The following MAGI3 variants were observed in gnomAD, a reference collection of about 807,000 sequenced individuals.
MAGI3 encodes the protein membrane-associated guanylate kinase, WW and PDZ domain-containing protein 3.
In MAGI3, 43 loss-of-function variants were observed where a neutral mutation model predicts 121.8. The ratio of observed to expected loss-of-function variants is 0.35; its 90% confidence interval spans 0.28 to 0.46. MAGI3 has a LOEUF of 0.46. Among genes scored for constraint, MAGI3 ranks in the 20% least tolerant of loss-of-function variants. MAGI3 has a pLI of 1.00. For synonymous variants in MAGI3, 553 were observed against 639.3 expected, an observed-to-expected ratio of 0.86 and a Z score of 2.04; for missense variants, 1,547 against 1,797.3, an observed-to-expected ratio of 0.86 and a Z score of 2.52.
intron 9 of MAGI3, among the ~76,000 whole-genome samples, chr1:113,635,504 T>C (rs1319347212): frequency 1.3e-5 from 2 of 152,176 alleles, no homozygotes; most frequent in East Asian, 3.8e-4. Context: ...TTGTCTTTGG[T>C]TCTGTTTATA....
In MAGI3 at chr1:113,614,648, T is replaced by C; in HGVS notation, c.1066T>C (p.Tyr356His). ...EKIEDPQYGT[Y>H]YVDHLNQKTQ... ...AATAGAGGACCCTCAGTATGGGACA[T>C]ACTATGTTGAGTAAGTTTGTTACCT... The change falls in exon 7 of 21, where the codon TAC (tyrosine) becomes CAC (histidine). Residue 356 changes from tyrosine to histidine, a missense_variant. Tyr to His is a moderately conservative substitution (Grantham distance 83, BLOSUM62 2). Transcript: ENST00000307546. 6.2e-7 allele frequency: 1 copy of C among 1,605,504 alleles called. No homozygotes were observed.
At chr1:113,509,920 C>T (rs987050004) in intron 1 of MAGI3, among the ~76,000 whole-genome samples, 3 of 151,254 alleles carry the variant, frequency 2.0e-5, no homozygotes, top group Non-Finnish European at 4.4e-5. Flanking sequence ...AGTGCGCCTG[C>T]AGCACGTTGC....
At chr1:113,511,649 T>C (rs1657620323) in intron 1 of MAGI3, among the ~76,000 whole-genome samples, 1 of 152,252 alleles carries the variant, frequency 6.6e-6, no homozygotes, top group African/African-American at 2.4e-5. Context: ...TTGAATACAG[T>C]TAATTTCCAT....
chr1:113,470,608 A>G (rs920685022), intron 1 of MAGI3, among the ~76,000 whole-genome samples: 8 of 152,200 alleles, frequency 5.3e-5, no homozygotes, highest in African/African-American at 1.4e-4. Flanking sequence ...ATTATTAACT[A>G]TGGTCACCAT....
rs186080609 is a variant in MAGI3 at position 113,390,952 on chromosome 1, A to T, written c.-82A>T. The T allele has an allele frequency of 3.3e-5, 41 of 1,258,628 alleles. No individual in the cohort carries two copies. Among genetic ancestry groups the T allele is most frequent in the Admixed American group, 8.1e-5 (2 of 24,828 alleles). 78.0% of individuals were successfully genotyped at this position (1,258,628 alleles called of 1,614,324 possible). The stretch of plus-strand genomic sequence containing the variant: ...CCTTACCGGGCTGCGCGGGCCGCCC[A>T]GGGCCCCCGGGCTGAGACGGGGCCG... On this transcript the variant is annotated 5_prime_UTR_variant, in exon 1 of 21. Coordinates refer to ENST00000307546, the MANE Select transcript of MAGI3 (RefSeq NM_001142782.2).
rs766953489 is a variant in MAGI3, at chr1:113,683,982, G to C, written c.4414G>C (p.Gly1472Arg). 29 of 1,592,588 alleles carry C rather than the reference G, an allele frequency of 1.8e-5. No homozygotes were observed. Among genetic ancestry groups the C allele is most frequent in the Non-Finnish European group, 2.3e-5 (27 of 1,172,420 alleles). Reference sequence around the variant, plus strand: ...GGTTCCAAGTGGAAATAAAGTCACAGGCACTATTGGTATGGCTGAGAAACG... The same window carrying C: ...GGTTCCAAGTGGAAATAAAGTCACACGCACTATTGGTATGGCTGAGAAACG... ...WKVPSGNKVT[G>R]TIGMAEKRQ The change falls in exon 21 of 21, where the codon GGC becomes CGC. Residue 1472 changes from glycine to arginine, a missense_variant. Gly to Arg is a moderately radical substitution (Grantham distance 125, BLOSUM62 -2). Transcript: ENST00000307546.
intron 11 of MAGI3, 72 bp from the exon 12 acceptor site, chr1:113,646,414 G>A: frequency 7.9e-7 from 1 of 1,259,462 alleles, no homozygotes. Flanking sequence ...ATCCATTTCA[G>A]ATATCAGTTT....
At position 113,590,531 on chromosome 1, in the gene MAGI3, C is replaced by G. The variant is rs867074874; in HGVS notation, c.811C>G (p.Pro271Ala). The G allele has an allele frequency of 1.2e-6, 2 of 1,613,540 alleles. No individual in the cohort carries two copies. Among genetic ancestry groups the G allele is most frequent in the Non-Finnish European group, 1.7e-6 (2 of 1,179,696 alleles). The change falls in exon 5 of 21, where the codon CCA becomes GCA. Residue 271 changes from proline (P) to alanine (A), a missense_variant. Coordinates refer to ENST00000307546, the MANE Select transcript of MAGI3 (RefSeq NM_001142782.2). ...GTCATCTGACTGGATGAAGACTGTT[C>G]CAAGTTACAACCAAACAAATAGCTC... ...SESSDWMKTV[P>A]SYNQTNSSMD...
chr1:113,390,994 G>T lies in MAGI3; in HGVS notation c.-40G>T. 6.7e-7 allele frequency: 1 copy of T among 1,491,034 alleles called. No individual in the cohort carries two copies. The highest frequency in any genetic ancestry group is 1.3e-5 in the South Asian group (1 of 77,038). 92.4% of individuals were successfully genotyped at this position (1,491,034 alleles called of 1,614,324 possible). On this transcript the variant is annotated 5_prime_UTR_variant, in exon 1 of 21. Transcript: ENST00000307546. ...ACGGGGCCGGAGCGGCGCCCCGGCCGCCCGCGCGGGGTCTCCCCCATGGTG... is the reference window on the plus strand; with the variant it reads ...ACGGGGCCGGAGCGGCGCCCCGGCCTCCCGCGCGGGGTCTCCCCCATGGTG...
At chr1:113,571,264 G>T (rs950970696) in intron 2 of MAGI3, among the ~76,000 whole-genome samples, 1 of 152,042 alleles carries the variant, frequency 6.6e-6, no homozygotes, top group Admixed American at 6.6e-5. Context: ...ATCGGTTTTG[G>T]TACCAATACC....
At chr1:113,450,632 G>A (rs768409238) in intron 1 of MAGI3, 125 of 1,027,898 alleles carry the variant, frequency 1.2e-4, no homozygotes, top group Non-Finnish European at 1.7e-4. Flanking sequence ...TTATGGACCC[G>A]TGAAAGGGGA....
chr1:113,402,224 T>C (rs1290775177), intron 1 of MAGI3, among the ~76,000 whole-genome samples: 1 of 152,184 alleles, frequency 6.6e-6, no homozygotes, highest in Admixed American at 6.5e-5. Context: ...CTAAGTGTAA[T>C]GTGCTAGACT....
Position 113,646,587 on chromosome 1 carries a change from A to C in MAGI3, c.2100A>C (p.Pro700=), listed in dbSNP as rs1652866010. The C allele has an allele frequency of 6.2e-7, 1 of 1,613,174 alleles. No individual in the cohort carries two copies. The highest frequency in any genetic ancestry group is 1.3e-5 in the African/African-American group (1 of 74,910). The part of the protein sequence containing the change: ...FPPSIIRSGS[P]KLDPSEVYLK... ...CGAGCATTATCAGGTCAGGATCCCC[A>C]AAATTGGATCCTTCTGAGGTCTACC... is the stretch of plus-strand genomic sequence containing the variant. Residue 700 remains proline, a synonymous_variant, in exon 12 of 21, where the codon CCA becomes CCC. Coordinates refer to ENST00000307546, the MANE Select transcript of MAGI3 (RefSeq NM_001142782.2).
In MAGI3 at chr1:113,580,557, C is replaced by T. The variant is rs1253459628; in HGVS notation, c.449C>T (p.Pro150Leu). Residue 150 changes from proline (P) to leucine (L), a missense_variant, in exon 3 of 21, where the codon CCC becomes CTC. Pro to Leu is a moderately conservative substitution (Grantham distance 98). Transcript: ENST00000307546. ...LRTIPCTTRAPRDGEVPGVDY... is the reference protein window; with the variant it reads ...LRTIPCTTRALRDGEVPGVDY... ...TTTTTCTTAGGCACTACAAGGGCCC[C>T]CAGGGATGGAGAAGTACCAGGAGTG... 1 of 1,610,152 alleles carries T rather than the reference C, an allele frequency of 6.2e-7. No homozygotes were observed. The highest frequency in any genetic ancestry group is 1.7e-5 in the Admixed American group (1 of 59,772).
At position 113,681,170 on chromosome 1, in the gene MAGI3, G is replaced by A. The variant is rs763714717; in HGVS notation, c.3190-28G>A. On this transcript the variant is annotated intron_variant, in intron 19 of 20. Coordinates refer to ENST00000307546, the MANE Select transcript of MAGI3 (RefSeq NM_001142782.2). ...ATTTACAAAGGATGCATAGTTTCAT[G>A]TTGTTCCTGTGAATGTTCTCTGTCT... 7.5e-6 allele frequency: 12 copies of A among 1,606,140 alleles called. No homozygotes were observed. In the South Asian group the frequency reaches 1.2e-4, roughly 16 times the overall value.
intron 1 of MAGI3, among the ~76,000 whole-genome samples, chr1:113,487,922 T>C (rs1221837529): frequency 6.6e-6 from 1 of 152,296 alleles, no homozygotes; most frequent in East Asian, 1.9e-4. Flanking sequence ...TACTAAAACA[T>C]TTTTCTATTG....
rs1292118839 is a variant in MAGI3, at chr1:113,641,915, T to A, written c.1365T>A (p.Asp455Glu). ...AACATGATTATGTTTTTCCAGGCGA[T>A]GTTATTGTAGACATCAATGGCAACT... The part of the protein sequence containing the change: ...AAQDGKIAPG[D>E]VIVDINGNCV... Residue 455 changes from aspartate (D) to glutamate (E), a missense_variant, in exon 10 of 21, where the codon GAT (aspartate) becomes GAA (glutamate). Transcript: ENST00000307546. The A allele has an allele frequency of 2.6e-6, 4 of 1,557,504 alleles. No individual in the cohort carries two copies. Among genetic ancestry groups the A allele is most frequent in the Admixed American group, 1.8e-5 (1 of 55,312 alleles).
chr1:113,580,271 G>C (rs1647926763), intron 2 of MAGI3, among the ~76,000 whole-genome samples: 1 of 152,008 alleles, frequency 6.6e-6, no homozygotes, highest in East Asian at 1.9e-4. Flanking sequence ...CTAGTAAGTA[G>C]AATGTTTACA....
intron 1 of MAGI3, among the ~76,000 whole-genome samples, chr1:113,412,852 C>A (rs1652075251): frequency 6.6e-6 from 1 of 152,150 alleles, no homozygotes; most frequent in Non-Finnish European, 1.5e-5. Context: ...ATGGTAGTTT[C>A]TTTTGCCTTG....
Sources: allele counts gnomAD v4.1 joint callset (sites outside exome capture counted in the v4.1 genomes callset), GRCh38; gene constraint gnomAD v4.1.1; transcripts MANE v1.5; gene names NCBI Gene and HGNC (gene_info 2026-07-23, HGNC 2026-07-21).